Variants in BANK1 observed in about 807,000 individuals in gnomAD.
BANK1 encodes the protein B-cell scaffold protein with ankyrin repeats.
BANK1 carries 95 observed loss-of-function variants against 94.5 expected under a neutral mutation model. The observed-to-expected ratio is 1.00, with a 90% confidence interval of 0.85 to 1.19. The LOEUF is 1.19. BANK1 is among the 50% of genes most tolerant of loss of function. The probability of loss-of-function intolerance (pLI) is 0.00; values close to 1 mark genes in which losing one functional copy is unlikely to be tolerated. For missense variants in BANK1, 987 were observed against 932.2 expected (o/e 1.06, Z -0.77); for synonymous variants, 334 against 308.4 (o/e 1.08, Z -0.87).
chr4:102,072,262 A>C (rs1394315996), intron 14 of BANK1, 83 bp from the exon 15 acceptor site: 2 of 1,165,918 alleles, frequency 1.7e-6, no homozygotes, highest in Admixed American at 4.1e-5. Flanking sequence ...CCTTTGTAGA[A>C]ATCATTTTTA....
intron 7 of BANK1, among the ~76,000 whole-genome samples, chr4:101,985,429 T>C (rs986466397): frequency 1.3e-5 from 2 of 152,268 alleles, no homozygotes; most frequent in African/African-American, 4.8e-5. Context: ...GGCAAGTTGA[T>C]ACATAAAATT....
At chr4:102,007,484 G>GA (rs1364547059) in intron 7 of BANK1, among the ~76,000 whole-genome samples, 3 of 151,882 alleles carry the variant, frequency 2.0e-5, no homozygotes, top group Non-Finnish European at 4.4e-5. Flanking sequence ...GAAAGGATAT[G>GA]AAATTTGCTA....
intron 10 of BANK1, among the ~76,000 whole-genome samples, chr4:102,042,532 A>G (rs1727734561): frequency 6.6e-6 from 1 of 152,030 alleles, no homozygotes; most frequent in African/African-American, 2.4e-5. Flanking sequence ...TTTAATTACT[A>G]ATTTTTGATC....
intron 6 of BANK1, among the ~76,000 whole-genome samples, chr4:101,898,923 T>C (rs930698847): frequency 3.9e-5 from 6 of 152,080 alleles, no homozygotes; most frequent in African/African-American, 1.4e-4. Context: ...TATTATATAA[T>C]GTATCATGGC....
Position 101,790,829 on chromosome 4 carries a change from G to A in BANK1, c.-52G>A. 6.6e-7 allele frequency: 1 copy of A among 1,517,098 alleles called. No homozygotes were observed. Among genetic ancestry groups the A allele is most frequent in the Non-Finnish European group, 8.9e-7 (1 of 1,129,072 alleles). The allele number at this position is 1,517,098 out of a possible 1,614,324, so 94.0% of individuals were successfully genotyped here. ...GGGAGTCTCTGGCCGGGAGAGTCCA[G>A]GTAGCGCTCGGCGGGCAGCAGTGCG... is the stretch of plus-strand genomic sequence containing the variant. On this transcript the variant is annotated 5_prime_UTR_variant, in exon 1 of 17. Coordinates refer to ENST00000322953, the MANE Select transcript of BANK1 (RefSeq NM_017935.5).
intron 1 of BANK1, among the ~76,000 whole-genome samples, chr4:101,794,389 A>G (rs1725087178): frequency 6.6e-6 from 1 of 152,138 alleles, no homozygotes; most frequent in Admixed American, 6.5e-5. Flanking sequence ...GACAAAAATA[A>G]ATGACATGTT....
intron 6 of BANK1, among the ~76,000 whole-genome samples, chr4:101,908,615 A>G (rs1046406324): frequency 6.6e-6 from 1 of 152,216 alleles, no homozygotes; most frequent in African/African-American, 2.4e-5. Flanking sequence ...CAGAGTGAAC[A>G]GGCAACCTAC....
intron 11 of BANK1, among the ~76,000 whole-genome samples, chr4:102,052,260 G>A (rs1003665358): frequency 3.3e-5 from 5 of 151,858 alleles, no homozygotes; most frequent in African/African-American, 1.2e-4. Flanking sequence ...TGGGACTACA[G>A]GCGTGTGCTA....
intron 7 of BANK1, among the ~76,000 whole-genome samples, chr4:101,964,169 A>G (rs1429272234): frequency 1.3e-5 from 2 of 152,082 alleles, no homozygotes; most frequent in Non-Finnish European, 2.9e-5. Flanking sequence ...TGGAGCCTAG[A>G]ATCTTAGCTA....
chr4:101,970,957 G>A (rs1578428483), intron 7 of BANK1, among the ~76,000 whole-genome samples: 1 of 152,058 alleles, frequency 6.6e-6, no homozygotes, highest in Admixed American at 6.6e-5. Flanking sequence ...TGTCACACTT[G>A]TGTCATAGCG....
intron 2 of BANK1, among the ~76,000 whole-genome samples, chr4:101,850,218 T>C (rs1430526284): frequency 6.6e-6 from 1 of 152,184 alleles, no homozygotes; most frequent in Non-Finnish European, 1.5e-5. Context: ...TACCTTGATT[T>C]GTTCTGCTTT....
chr4:101,878,892 G>T (rs531416608), intron 5 of BANK1, among the ~76,000 whole-genome samples: 2 of 151,904 alleles, frequency 1.3e-5, no homozygotes, highest in African/African-American at 4.8e-5. Flanking sequence ...ACTGAAAAAT[G>T]TATTGAAACA....
chr4:101,953,862 A>G (rs968263734), intron 7 of BANK1, among the ~76,000 whole-genome samples: 1 of 152,060 alleles, frequency 6.6e-6, no homozygotes, highest in Non-Finnish European at 1.5e-5. Context: ...ACCTCCATTT[A>G]TCTTGTACCT....
rs58194702 is a variant in BANK1, at chr4:102,040,850, C to T, written c.1901-2989C>T. On this transcript the variant is annotated intron_variant, in intron 10 of 16. Coordinates refer to ENST00000322953, the MANE Select transcript of BANK1 (RefSeq NM_017935.5). ...CTGAGTGAAACATTAGAGATCGTCACATCTAAGCCCTAACTTTATTGGCAA... is the reference window on the plus strand; with the variant it reads ...CTGAGTGAAACATTAGAGATCGTCATATCTAAGCCCTAACTTTATTGGCAA... Among the ~76,000 whole-genome samples the T allele has an allele frequency of 5.8e-3, 878 of 151,914 alleles. 21 individuals are homozygous for T. In the East Asian group the frequency reaches 0.065, roughly 11 times the overall value.
intron 4 of BANK1, among the ~76,000 whole-genome samples, chr4:101,864,441 T>A (rs1578364935): frequency 6.6e-6 from 1 of 152,178 alleles, no homozygotes; most frequent in African/African-American, 2.4e-5. Context: ...GTTTTACAAG[T>A]AATATTTAGA....
chr4:101,932,913 T>C (rs1315892124), intron 7 of BANK1, among the ~76,000 whole-genome samples: 1 of 151,558 alleles, frequency 6.6e-6, no homozygotes, highest in Non-Finnish European at 1.5e-5. Context: ...TTTAGCTTTG[T>C]AAAATGGATC....
At chr4:101,919,379 G>A (rs1188626897) in intron 7 of BANK1, among the ~76,000 whole-genome samples, 5 of 151,930 alleles carry the variant, frequency 3.3e-5, no homozygotes, top group African/African-American at 4.8e-5. Flanking sequence ...TAAAGACTCA[G>A]CTTTTGACAG....
Position 102,030,154 on chromosome 4 carries a change from A to G in BANK1, c.1789A>G (p.Ile597Val), listed in dbSNP as rs752544101. 1.9e-6 allele frequency: 3 copies of G among 1,614,136 alleles called. No homozygotes were observed. Among genetic ancestry groups the G allele is most frequent in the Non-Finnish European group, 2.5e-6 (3 of 1,180,000 alleles). Residue 597 changes from isoleucine to valine, a missense_variant, in exon 10 of 17, where the codon ATA becomes GTA. Physicochemically the swap from Ile to Val is conservative, Grantham distance 29. Transcript: ENST00000322953. ...TGACATGATATTGGCCAATCTGAGT[A>G]TAAAGAAAAAAACTGGGAGTCGGTC... is the stretch of plus-strand genomic sequence containing the variant. ...EYDMILANLS[I>V]KKKTGSRSFI... is the part of the protein sequence containing the mutation.
intron 7 of BANK1, among the ~76,000 whole-genome samples, chr4:102,020,822 T>C (rs1362000598): frequency 2.0e-5 from 3 of 152,166 alleles, no homozygotes; most frequent in Non-Finnish European, 2.9e-5. Context: ...TCCATCCCTT[T>C]CCCTAGATGC....
Sources: allele counts gnomAD v4.1 joint callset (sites outside exome capture counted in the v4.1 genomes callset), GRCh38; gene constraint gnomAD v4.1.1; transcripts MANE v1.5; gene names NCBI Gene and HGNC (gene_info 2026-07-23, HGNC 2026-07-21).